Variants in CFAP92 observed in about 807,000 individuals in gnomAD.
CFAP92 encodes cilia and flagella associated protein 92 (putative).
Under a neutral mutation model 106.3 loss-of-function variants are expected in CFAP92, and 86 were observed. That is an observed-to-expected ratio of 0.81 (90% CI 0.68 to 0.97). The LOEUF is 0.97. Among genes scored for constraint, CFAP92 ranks in the 50% least tolerant of loss-of-function variants. The pLI, the probability that CFAP92 is intolerant of heterozygous loss-of-function variation, is 0.00. For synonymous variants in CFAP92, 477 were observed against 506.4 expected (o/e 0.94, Z 0.78); for missense variants, 1,204 against 1,283.8 (o/e 0.94, Z 0.95).
At position 128,945,364 on chromosome 3, in the gene CFAP92, G is replaced by A. The variant is rs1940102993; in HGVS notation, c.1965C>T (p.Gly655=). ...GARAADPDLG[G]SQFGRIIFVF... ...CGAAGATGATGCGGCCAAACTGGGA[G>A]CCCCCAAGGTCAGGATCAGCAGCTC... The change falls in exon 10 of 16, where the codon GGC becomes GGT. Residue 655 remains glycine (G), a synonymous_variant. Transcript: ENST00000645291. 6.5e-7 allele frequency: 1 copy of A among 1,536,142 alleles called. No individual in the cohort carries two copies. The highest frequency in any genetic ancestry group is 1.4e-5 in the African/African-American group (1 of 73,164).
intron 10 of CFAP92, 129 bp from the exon 11 acceptor site, chr3:128,935,448 A>ACGC (rs780712679): frequency 1.8e-6 from 1 of 565,990 alleles, no homozygotes; most frequent in South Asian, 3.2e-5. Context: ...ATGGTGACTC[A>ACGC]CGCCTATAAT....
chr3:129,021,636 C>A, the CFAP92 span, among the ~76,000 whole-genome samples: 1 of 152,122 alleles, frequency 6.6e-6, no homozygotes, highest in Non-Finnish European at 1.5e-5. Flanking sequence ...TGAGTCTGCG[C>A]GGGTATCTGT....
At chr3:128,998,313 A>T (rs987055934), upstream of CFAP92, among the ~76,000 whole-genome samples, 1 of 152,212 alleles carries the variant, frequency 6.6e-6, no homozygotes, top group Non-Finnish European at 1.5e-5. Flanking sequence ...GGTCCGATTC[A>T]TCATTTTTTT....
intron 12 of CFAP92, among the ~76,000 whole-genome samples, chr3:128,930,708 G>A (rs1028801314): frequency 3.9e-5 from 6 of 151,982 alleles, no homozygotes; most frequent in African/African-American, 1.4e-4. Flanking sequence ...CCGAGATCAC[G>A]CCACTACACT....
chr3:128,912,248 G>T (rs966485660), intron 15 of CFAP92, among the ~76,000 whole-genome samples: 1 of 152,194 alleles, frequency 6.6e-6, no homozygotes, highest in Non-Finnish European at 1.5e-5. Context: ...GCTGTTTACG[G>T]AGCAAGTGCC....
intron 15 of CFAP92, among the ~76,000 whole-genome samples, chr3:128,912,029 G>A (rs1936380612): frequency 6.6e-6 from 1 of 152,240 alleles, no homozygotes; most frequent in African/African-American, 2.4e-5. Flanking sequence ...TTGACCTGAG[G>A]TTCTGGATCA....
At chr3:128,963,589 C>G (rs959903315) in intron 9 of CFAP92, among the ~76,000 whole-genome samples, 8 of 151,684 alleles carry the variant, frequency 5.3e-5, no homozygotes, top group African/African-American at 9.7e-5. Flanking sequence ...ATGACTGTAT[C>G]TCTCTGATCC....
At chr3:129,011,891 C>T in the CFAP92 span, among the ~76,000 whole-genome samples, 1 of 152,224 alleles carries the variant, frequency 6.6e-6, no homozygotes, top group Non-Finnish European at 1.5e-5. Context: ...GCAATAAATG[C>T]ATCCTTCAGA....
intron 1 of CFAP92, chr3:128,993,684 C>A: frequency 3.0e-6 from 1 of 335,714 alleles, no homozygotes; most frequent in Non-Finnish European, 5.7e-6. Context: ...TCTGCTCAGG[C>A]AGGCCTGCTG....
chr3:129,012,206 G>C, the CFAP92 span, among the ~76,000 whole-genome samples: 4 of 152,250 alleles, frequency 2.6e-5, no homozygotes, highest in Non-Finnish European at 4.4e-5. Context: ...TTGTGCCTCA[G>C]TTTTCTCATC....
chr3:128,943,757 G>A (rs576195452), intron 10 of CFAP92, among the ~76,000 whole-genome samples: 6 of 151,486 alleles, frequency 4.0e-5, no homozygotes, highest in African/African-American at 7.3e-5. Flanking sequence ...GACTGGTCCC[G>A]AACTCCTGAC....
intron 15 of CFAP92, chr3:128,912,689 T>C: frequency 7.9e-7 from 1 of 1,263,350 alleles, no homozygotes. Flanking sequence ...TTTCAGAAGG[T>C]GTTGGGATTA....
chr3:128,939,946 G>A (rs1271631084), intron 10 of CFAP92, among the ~76,000 whole-genome samples: 1 of 152,240 alleles, frequency 6.6e-6, no homozygotes, highest in African/African-American at 2.4e-5. Flanking sequence ...TTCCTAACAG[G>A]CCAGAGACCG....
At chr3:129,003,820 C>T (rs183061517), upstream of CFAP92, 7,668 of 1,465,362 alleles carry the variant, frequency 5.2e-3, 36 homozygotes, top group Non-Finnish European at 6.5e-3. Context: ...GCCAGGCGAG[C>T]ACCCACGAGA....
chr3:128,992,585 T>A (rs71331686), intron 2 of CFAP92, among the ~76,000 whole-genome samples: 45,807 of 151,686 alleles, frequency 0.3, 7,202 homozygotes, highest in East Asian at 0.55. Flanking sequence ...TATTATTTTT[T>A]TTTTTTTTGA....
the CFAP92 span, among the ~76,000 whole-genome samples, chr3:129,016,103 C>A: frequency 6.6e-6 from 1 of 152,282 alleles, no homozygotes; most frequent in African/African-American, 2.4e-5. Flanking sequence ...TGAGCCCAGG[C>A]GGTGTAATGG....
At chr3:128,912,673 CTCT>C (rs1936475560) in intron 15 of CFAP92, 4 of 1,364,712 alleles carry the variant, frequency 2.9e-6, no homozygotes, top group African/African-American at 1.4e-5. Context: ...ATGACTGTTA[CTCT>C]TTTTTCAGAA....
chr3:128,913,918 C>T (rs953735051), intron 15 of CFAP92, among the ~76,000 whole-genome samples: 1 of 152,056 alleles, frequency 6.6e-6, no homozygotes, highest in Non-Finnish European at 1.5e-5. Flanking sequence ...GACCCACCCC[C>T]CTTCTGTGCA....
the CFAP92 span, among the ~76,000 whole-genome samples, chr3:129,013,180 C>T: frequency 1.3e-5 from 2 of 152,038 alleles, no homozygotes; most frequent in Non-Finnish European, 2.9e-5. Context: ...AGGGGGTGGG[C>T]ATCATGATCG....
Sources: allele counts gnomAD v4.1 joint callset (sites outside exome capture counted in the v4.1 genomes callset), GRCh38; gene constraint gnomAD v4.1.1; transcripts MANE v1.5; gene names NCBI Gene and HGNC (gene_info 2026-07-23, HGNC 2026-07-21).